Variants in CAMK2D observed in about 807,000 individuals in gnomAD.
The protein encoded by CAMK2D is calcium/calmodulin-dependent protein kinase type II subunit delta.
A neutral mutation model predicts 84.0 loss-of-function variants in CAMK2D; 37 were observed. The ratio of observed to expected loss-of-function variants is 0.44; its 90% CI spans 0.34 to 0.58. The LOEUF is 0.58. Among genes scored for constraint, CAMK2D ranks in the 20% least tolerant of loss-of-function variants. The pLI, the probability that CAMK2D is intolerant of heterozygous loss-of-function variation, is 0.02. For synonymous variants in CAMK2D, 202 were observed against 212.5 expected (o/e 0.95, Z 0.43); for missense variants, 448 against 652.5 (o/e 0.69, Z 3.41).
intron 17 of CAMK2D, among the ~76,000 whole-genome samples, chr4:113,462,338 G>GTCTGTCTATCTATCTA (rs1554637439): frequency 1.0e-4 from 13 of 130,526 alleles, no homozygotes; most frequent in Non-Finnish European, 1.4e-4. Flanking sequence ...CTGTCTGTCT[G>GTCTGTCTATCTATCTA]TCTATCTATC....
At chr4:113,715,841 AG>A (rs1451000990) in intron 2 of CAMK2D, among the ~76,000 whole-genome samples, 1 of 152,192 alleles carries the variant, frequency 6.6e-6, no homozygotes, top group African/African-American at 2.4e-5. Flanking sequence ...AATCACTGAT[AG>A]GGAGACCTTG....
chr4:113,597,498 C>G (rs776630600), intron 4 of CAMK2D, among the ~76,000 whole-genome samples: 2 of 152,204 alleles, frequency 1.3e-5, no homozygotes, highest in Non-Finnish European at 2.9e-5. Flanking sequence ...CCCCTCTCAG[C>G]CTTCAAACAA....
chr4:113,543,383 ATTTT>A (rs34298070), intron 6 of CAMK2D, among the ~76,000 whole-genome samples: 4 of 141,634 alleles, frequency 2.8e-5, no homozygotes, highest in African/African-American at 7.8e-5. Context: ...ATATATATTG[ATTTT>A]TTTTTTTTTT....
At chr4:113,518,001 T>C (rs1311948792) in intron 8 of CAMK2D, among the ~76,000 whole-genome samples, 2 of 152,318 alleles carry the variant, frequency 1.3e-5, no homozygotes, top group East Asian at 3.9e-4. Flanking sequence ...ATAGAGACTA[T>C]GATTTTAGTC....
intron 3 of CAMK2D, among the ~76,000 whole-genome samples, chr4:113,655,607 T>C (rs2099196216): frequency 6.6e-6 from 1 of 152,090 alleles, no homozygotes; most frequent in Non-Finnish European, 1.5e-5. Context: ...CTTTCTAAAG[T>C]CTACACAAAA....
intron 4 of CAMK2D, among the ~76,000 whole-genome samples, chr4:113,576,301 G>A (rs530177767): frequency 7.9e-5 from 12 of 152,186 alleles, no homozygotes; most frequent in Middle Eastern, 3.4e-3. Flanking sequence ...TTATTGGCAC[G>A]TTTGCTTCTA....
chr4:113,638,486 A>G lies in CAMK2D; in HGVS notation c.220+23227T>C, dbSNP rs115637212. Among the ~76,000 whole-genome samples, 1,151 of 152,300 alleles carry G rather than the reference A, an allele frequency of 7.6e-3. 21 individuals are homozygous for G. The highest frequency in any genetic ancestry group is 0.026 in the African/African-American group (1,076 of 41,562). On this transcript the variant is annotated intron_variant, in intron 3 of 20. Coordinates refer to ENST00000511664, the MANE Select transcript of CAMK2D (RefSeq NM_001321571.2). ...TCCCTTGGGGGTAGGTTAGATACCTACGAGATGCAAAACACAATGTGCTCT... is the reference window on the plus strand; with the variant it reads ...TCCCTTGGGGGTAGGTTAGATACCTGCGAGATGCAAAACACAATGTGCTCT...
intron 2 of CAMK2D, among the ~76,000 whole-genome samples, chr4:113,751,793 A>T (rs530864753): frequency 1.8e-4 from 27 of 152,192 alleles, no homozygotes; most frequent in African/African-American, 5.3e-4. Flanking sequence ...AAATAATTTT[A>T]AAAAAAATTT....
At chr4:113,585,797 A>T (rs2098831623) in intron 4 of CAMK2D, among the ~76,000 whole-genome samples, 1 of 152,116 alleles carries the variant, frequency 6.6e-6, no homozygotes, top group Non-Finnish European at 1.5e-5. Flanking sequence ...AAATAAAAGC[A>T]CTTTTTAAAA....
At chr4:113,506,899 CCACA>C (rs1316797010) in intron 13 of CAMK2D, among the ~76,000 whole-genome samples, 1 of 149,934 alleles carries the variant, frequency 6.7e-6, no homozygotes, top group East Asian at 1.9e-4. Context: ...GTTCCCCCCC[CCACA>C]CACACACACC....
intron 2 of CAMK2D, among the ~76,000 whole-genome samples, chr4:113,678,521 G>A (rs2099328137): frequency 6.6e-6 from 1 of 151,634 alleles, no homozygotes; most frequent in African/African-American, 2.4e-5. Context: ...GGGGTATCAA[G>A]TGATATTTGA....
At chr4:113,469,973 C>T (rs2097527744) in intron 16 of CAMK2D, among the ~76,000 whole-genome samples, 1 of 152,146 alleles carries the variant, frequency 6.6e-6, no homozygotes. Context: ...ACCAATTTTG[C>T]TCTTCACTAT....
intron 4 of CAMK2D, among the ~76,000 whole-genome samples, chr4:113,573,968 T>C (rs1415462076): frequency 1.3e-5 from 2 of 152,206 alleles, no homozygotes; most frequent in Admixed American, 6.5e-5. Flanking sequence ...ATTACTCTCT[T>C]ACCTTTTAAC....
chr4:113,538,389 G>A (rs2098507791), intron 6 of CAMK2D, among the ~76,000 whole-genome samples: 2 of 152,046 alleles, frequency 1.3e-5, no homozygotes, highest in Admixed American at 6.6e-5. Flanking sequence ...ATCAGGAAAA[G>A]GAGACTGATT....
At chr4:113,662,193 C>T (rs2099236431) in intron 2 of CAMK2D, among the ~76,000 whole-genome samples, 1 of 152,112 alleles carries the variant, frequency 6.6e-6, no homozygotes, top group African/African-American at 2.4e-5. Context: ...TATTTTATCC[C>T]TAATGGAGAA....
intron 8 of CAMK2D, among the ~76,000 whole-genome samples, chr4:113,528,366 A>G (rs978012526): frequency 4.6e-5 from 7 of 152,194 alleles, no homozygotes; most frequent in South Asian, 4.1e-4. Context: ...GTGCCATGTC[A>G]TACAGCAAGT....
At chr4:113,478,129 C>T (rs1462564948) in intron 16 of CAMK2D, among the ~76,000 whole-genome samples, 1 of 151,914 alleles carries the variant, frequency 6.6e-6, no homozygotes, top group African/African-American at 2.4e-5. Flanking sequence ...CTGGAGATAA[C>T]ATGAAAATAT....
At chr4:113,572,389 T>A (rs2098757768) in intron 4 of CAMK2D, among the ~76,000 whole-genome samples, 1 of 152,014 alleles carries the variant, frequency 6.6e-6, no homozygotes, top group African/African-American at 2.4e-5. Context: ...CAGGAAAGGA[T>A]GCTTAAAGTA....
chr4:113,717,582 G>A (rs913405579), intron 2 of CAMK2D, among the ~76,000 whole-genome samples: 1 of 152,006 alleles, frequency 6.6e-6, no homozygotes. Flanking sequence ...GAGTGTTAAG[G>A]TAAAGGCAAA....
Sources: gnomAD v4.1 joint callset for allele counts (sites outside exome capture counted in the v4.1 genomes callset) on GRCh38, gnomAD v4.1.1 for gene constraint, MANE v1.5 for transcripts, NCBI Gene and HGNC (gene_info 2026-07-23, HGNC 2026-07-21) for gene names.